The following STXBP5L variants were observed in gnomAD, a reference collection of about 807,000 sequenced individuals.
The protein encoded by STXBP5L is syntaxin binding protein 5L.
Under a neutral mutation model 144.5 loss-of-function variants are expected in STXBP5L, and 65 were observed. The observed-to-expected ratio is 0.45, with a 90% CI of 0.37 to 0.55. The LOEUF is 0.55. Ranked by LOEUF, STXBP5L falls within the 20% of genes least tolerant of loss-of-function variation. The probability of loss-of-function intolerance (pLI) is 0.00; values close to 1 mark genes in which losing one functional copy is unlikely to be tolerated. For synonymous variants in STXBP5L, 505 were observed against 469.6 expected (o/e 1.08, Z -0.97); for missense variants, 1,298 against 1,405.5 (o/e 0.92, Z 1.22).
chr3:121,309,965 TG>T (rs143388923), intron 19 of STXBP5L, among the ~76,000 whole-genome samples: 3,360 of 152,164 alleles, frequency 0.022, 56 homozygotes, highest in Non-Finnish European at 0.029. Flanking sequence ...GTGTGGTAAT[TG>T]AAAAAAAGAT....
intron 5 of STXBP5L, among the ~76,000 whole-genome samples, chr3:121,061,787 C>T (rs2041292497): frequency 1.3e-5 from 2 of 152,172 alleles, no homozygotes; most frequent in South Asian, 2.1e-4. Flanking sequence ...ACAGGGATTG[C>T]AACCCCTGCT....
intron 20 of STXBP5L, among the ~76,000 whole-genome samples, chr3:121,347,841 C>A (rs1576241805): frequency 6.6e-6 from 1 of 152,136 alleles, no homozygotes; most frequent in Non-Finnish European, 1.5e-5. Flanking sequence ...TGCTTATCAG[C>A]TTAAGGAGAT....
intron 3 of STXBP5L, among the ~76,000 whole-genome samples, chr3:121,006,641 A>C (rs961638376): frequency 2.0e-5 from 3 of 152,162 alleles, no homozygotes; most frequent in Non-Finnish European, 4.4e-5. Context: ...GTTTCTTCCT[A>C]GTATCAATGG....
At chr3:121,269,464 A>G (rs2050672872) in intron 18 of STXBP5L, among the ~76,000 whole-genome samples, 1 of 151,944 alleles carries the variant, frequency 6.6e-6, no homozygotes, top group Non-Finnish European at 1.5e-5. Flanking sequence ...GACAGAAAAT[A>G]GTCCTCTGGG....
intron 9 of STXBP5L, among the ~76,000 whole-genome samples, chr3:121,203,865 G>A (rs1005086362): frequency 6.6e-6 from 1 of 152,158 alleles, no homozygotes; most frequent in East Asian, 1.9e-4. Context: ...TCCCCTGGCT[G>A]TGTCACTTTT....
intron 3 of STXBP5L, among the ~76,000 whole-genome samples, chr3:120,980,116 G>A (rs937922772): frequency 8.6e-5 from 13 of 152,032 alleles, no homozygotes; most frequent in African/African-American, 1.2e-4. Context: ...AAGTTTTATT[G>A]ACACTTGTTT....
At chr3:121,337,956 G>T (rs962048656) in intron 20 of STXBP5L, among the ~76,000 whole-genome samples, 2 of 152,022 alleles carry the variant, frequency 1.3e-5, no homozygotes, top group Non-Finnish European at 2.9e-5. Context: ...TGGATGATTT[G>T]GGGGTAAAAA....
At chr3:121,196,780 C>T (rs1358745100) in intron 9 of STXBP5L, among the ~76,000 whole-genome samples, 1 of 151,984 alleles carries the variant, frequency 6.6e-6, no homozygotes, top group Non-Finnish European at 1.5e-5. Flanking sequence ...AGTGATCCTC[C>T]CACCCGAGCC....
At chr3:121,289,044 A>G (rs2051327631) in intron 19 of STXBP5L, among the ~76,000 whole-genome samples, 1 of 152,134 alleles carries the variant, frequency 6.6e-6, no homozygotes, top group Admixed American at 6.6e-5. Context: ...GGGTGACTAA[A>G]TAATCTGTAC....
At chr3:121,089,092 T>TAA (rs375977537) in intron 5 of STXBP5L, among the ~76,000 whole-genome samples, 6,665 of 56,212 alleles carry the variant, frequency 0.12, 1,081 homozygotes, top group Non-Finnish European at 0.16. Flanking sequence ...TAGAGTATAA[T>TAA]AAAAAAAAAA....
chr3:121,049,809 G>C (rs1457124472), intron 5 of STXBP5L: 1 of 153,750 alleles, frequency 6.5e-6, no homozygotes, highest in Admixed American at 6.5e-5. Flanking sequence ...TGCTGGTGTT[G>C]AGGTGCCTGG....
intron 22 of STXBP5L, among the ~76,000 whole-genome samples, chr3:121,383,536 T>G (rs936378231): frequency 6.6e-6 from 1 of 152,142 alleles, no homozygotes; most frequent in Non-Finnish European, 1.5e-5. Flanking sequence ...GAAACTGCTG[T>G]TAAAAATACA....
rs1177362690 is a variant in STXBP5L at position 121,045,433 on chromosome 3, AG to A, written c.371del. 6.2e-7 allele frequency: 1 copy of A among 1,600,962 alleles called. No individual in the cohort carries two copies. The highest frequency in any genetic ancestry group is 8.5e-7 in the Non-Finnish European group (1 of 1,175,700). ...ACTTACTTTATCTTCTTTTTGTTCT[AG>A]GGTGCCTTGGTCAGTGCAAGTTCAG... On this transcript the variant is annotated splice_acceptor_variant, in intron 4 of 26. Transcript: ENST00000471454. LOFTEE classifies it high-confidence loss of function.
At chr3:121,287,223 T>C (rs982352065) in intron 19 of STXBP5L, among the ~76,000 whole-genome samples, 1 of 152,212 alleles carries the variant, frequency 6.6e-6, no homozygotes, top group African/African-American at 2.4e-5. Flanking sequence ...GTACTGGAAA[T>C]TTTAGACAAT....
intron 5 of STXBP5L, among the ~76,000 whole-genome samples, chr3:121,049,227 T>C (rs1224602504): frequency 1.3e-5 from 2 of 152,106 alleles, no homozygotes; most frequent in Non-Finnish European, 2.9e-5. Context: ...AATCACTGTG[T>C]ACCCTCCTGA....
At chr3:121,350,416 TG>T (rs1376238700) in intron 20 of STXBP5L, among the ~76,000 whole-genome samples, 1 of 152,168 alleles carries the variant, frequency 6.6e-6, no homozygotes, top group Non-Finnish European at 1.5e-5. Flanking sequence ...TCAACTTTGG[TG>T]AATCTGACAA....
At chr3:121,186,829 G>A (rs921908280) in intron 9 of STXBP5L, among the ~76,000 whole-genome samples, 2 of 152,126 alleles carry the variant, frequency 1.3e-5, no homozygotes, top group Admixed American at 6.6e-5. Flanking sequence ...ATCATCACTG[G>A]CCATCAGGGA....
chr3:121,419,275 G>T lies in STXBP5L; in HGVS notation c.*178G>T. The T allele has an allele frequency of 1.7e-6, 1 of 575,960 alleles. No homozygotes were observed. Among genetic ancestry groups the T allele is most frequent in the South Asian group, 3.5e-5 (1 of 28,256 alleles). The allele number at this position is 575,960 out of a possible 1,614,324, so 35.7% of individuals were successfully genotyped here. A position where few individuals can be genotyped will look rare whatever the true frequency, so the allele number is the denominator to read the frequency against. On this transcript the variant is annotated 3_prime_UTR_variant, in exon 27 of 27. Transcript: ENST00000471454. ...GACACTGTGCAACCCAAAGGCTGGAGCCCTGGTTAAAATCCCAAAATACGG... is the reference window on the plus strand; with the variant it reads ...GACACTGTGCAACCCAAAGGCTGGATCCCTGGTTAAAATCCCAAAATACGG...
At chr3:120,977,471 A>G (rs1020103738) in intron 3 of STXBP5L, among the ~76,000 whole-genome samples, 1 of 152,128 alleles carries the variant, frequency 6.6e-6, no homozygotes, top group Non-Finnish European at 1.5e-5. Context: ...TGAATACAGC[A>G]CACTGATGGG....
Sources: allele counts gnomAD v4.1 joint callset (sites outside exome capture counted in the v4.1 genomes callset), GRCh38; gene constraint gnomAD v4.1.1; transcripts MANE v1.5; gene names NCBI Gene and HGNC (gene_info 2026-07-23, HGNC 2026-07-21).